The following CEP15 variants were observed in gnomAD, a reference collection of about 807,000 sequenced individuals.
CEP15 encodes the protein centrosomal protein 15.
chr3:62,324,980 A>G, the CEP15 span, among the ~76,000 whole-genome samples: 1 of 152,212 alleles, frequency 6.6e-6, no homozygotes, highest in South Asian at 2.1e-4. Flanking sequence ...AAGTAGTATA[A>G]TATGAGTTAA....
At chr3:62,322,145 G>A in the CEP15 span, 2 of 1,318,638 alleles carry the variant, frequency 1.5e-6, no homozygotes, top group Non-Finnish European at 2.1e-6. The surrounding 1 kb of genome is among the most constrained non-coding windows in gnomAD (Gnocchi z 5.5). Context: ...ATAACTTATT[G>A]GTTCTCAGTA....
the CEP15 span, chr3:62,319,573 A>G: frequency 6.6e-6 from 1 of 152,344 alleles, no homozygotes; most frequent in Middle Eastern, 3.4e-3. Context: ...CCTACACTCA[A>G]TAAGCGTGGG....
the CEP15 span, chr3:62,336,137 C>T: frequency 6.6e-6 from 1 of 151,898 alleles, no homozygotes; most frequent in Non-Finnish European, 1.5e-5. The surrounding 1 kb of genome is among the most constrained non-coding windows in gnomAD (Gnocchi z 4.4). Flanking sequence ...TTGCATTATC[C>T]CCCTTTTTCC....
chr3:62,333,431 G>A, the CEP15 span: 4 of 1,593,810 alleles, frequency 2.5e-6, no homozygotes, highest in African/African-American at 5.4e-5. This position sits in a 1 kb window ranked among gnomAD's most constrained non-coding sequence, Gnocchi z 4.0. Context: ...TAATAAAGCT[G>A]AATGTTAAGG....
the CEP15 span, chr3:62,333,364 C>T: frequency 6.2e-7 from 1 of 1,610,884 alleles, no homozygotes; most frequent in South Asian, 1.1e-5. This position sits in a 1 kb window ranked among gnomAD's most constrained non-coding sequence, Gnocchi z 4.0. Context: ...GCAGAAAATA[C>T]CATTCAAAAT....
chr3:62,321,023 T>G, the CEP15 span, among the ~76,000 whole-genome samples: 1 of 152,194 alleles, frequency 6.6e-6, no homozygotes, highest in Non-Finnish European at 1.5e-5. This position sits in a 1 kb window ranked among gnomAD's most constrained non-coding sequence, Gnocchi z 4.1. Context: ...TTACCAGACG[T>G]TCTTTCCTTG....
chr3:62,319,648 A>G, the CEP15 span: 1 of 152,250 alleles, frequency 6.6e-6, no homozygotes. Flanking sequence ...TAGAGTGCAT[A>G]GATGTTTAAT....
At chr3:62,331,204 C>A in the CEP15 span, 1 of 721,026 alleles carries the variant, frequency 1.4e-6, no homozygotes, top group African/African-American at 1.8e-5. Context: ...TGCCTCCATC[C>A]ATTCAGATTA....
At chr3:62,332,426 C>T in the CEP15 span, among the ~76,000 whole-genome samples, 1 of 152,064 alleles carries the variant, frequency 6.6e-6, no homozygotes, top group South Asian at 2.1e-4. Flanking sequence ...AGTGCTATCT[C>T]ATTGGCTGAA....
chr3:62,333,521 A>G, the CEP15 span: 1 of 1,061,068 alleles, frequency 9.4e-7, no homozygotes, highest in Non-Finnish European at 1.3e-6. This position sits in a 1 kb window ranked among gnomAD's most constrained non-coding sequence, Gnocchi z 4.0. Context: ...CAGTGAAGAT[A>G]TGAGAATTTA....
the CEP15 span, among the ~76,000 whole-genome samples, chr3:62,323,636 A>T: frequency 6.6e-6 from 1 of 152,240 alleles, no homozygotes; most frequent in South Asian, 2.1e-4. Context: ...TTTAGATGCA[A>T]GATGATTTCA....
At chr3:62,325,146 T>TA in the CEP15 span, among the ~76,000 whole-genome samples, 1 of 152,186 alleles carries the variant, frequency 6.6e-6, no homozygotes, top group African/African-American at 2.4e-5. Flanking sequence ...AGACAATTAT[T>TA]ACACTGAAAT....
the CEP15 span, chr3:62,331,423 T>TA: frequency 5.7e-6 from 9 of 1,592,218 alleles, no homozygotes; most frequent in Non-Finnish European, 7.8e-6. Context: ...GGAACAAATG[T>TA]AAAAAGAGAG....
the CEP15 span, chr3:62,322,207 A>C: frequency 1.4e-6 from 1 of 728,066 alleles, no homozygotes; most frequent in Admixed American, 3.2e-5. This position sits in a 1 kb window ranked among gnomAD's most constrained non-coding sequence, Gnocchi z 5.5. Flanking sequence ...TGTCAGTTAG[A>C]TAAGTAGCAT....
chr3:62,332,034 G>A, the CEP15 span, among the ~76,000 whole-genome samples: 6 of 152,164 alleles, frequency 3.9e-5, no homozygotes, highest in Admixed American at 3.9e-4. Context: ...AAAATTAGAG[G>A]CTGAGAATTT....
chr3:62,322,161 T>A, the CEP15 span: 1 of 1,116,246 alleles, frequency 9.0e-7, no homozygotes, highest in Non-Finnish European at 1.3e-6. This position sits in a 1 kb window ranked among gnomAD's most constrained non-coding sequence, Gnocchi z 5.5. Context: ...CAGTAATAAG[T>A]AGAATTACTA....
chr3:62,324,058 G>GGC, the CEP15 span: 2 of 151,960 alleles, frequency 1.3e-5, no homozygotes, highest in African/African-American at 4.8e-5. Context: ...GAATTTTAGT[G>GGC]GCTCTACCAT....
At chr3:62,327,465 T>C in the CEP15 span, among the ~76,000 whole-genome samples, 2 of 105,108 alleles carry the variant, frequency 1.9e-5, no homozygotes, top group African/African-American at 8.7e-5. Flanking sequence ...ACTTGCCACA[T>C]TTTTAGTGCT....
At chr3:62,322,146 G>A in the CEP15 span, 1 of 1,312,246 alleles carries the variant, frequency 7.6e-7, no homozygotes, top group Non-Finnish European at 1.1e-6. This position sits in a 1 kb window ranked among gnomAD's most constrained non-coding sequence, Gnocchi z 5.5. Context: ...TAACTTATTG[G>A]TTCTCAGTAA....
Sources: gnomAD v4.1 joint callset for allele counts (sites outside exome capture counted in the v4.1 genomes callset) on GRCh38, gnomAD v4.1.1 for gene constraint, Gnocchi (gnomAD v3.1) non-coding constraint, MANE v1.5 for transcripts, NCBI Gene and HGNC (gene_info 2026-07-23, HGNC 2026-07-21) for gene names.